Variants in ADGRL2 observed in about 807,000 individuals in gnomAD.
ADGRL2 encodes calcium-independent alpha-latrotoxin receptor 2.
ADGRL2 carries 44 observed loss-of-function variants against 157.4 expected under a neutral mutation model. The observed-to-expected ratio is 0.28, with a 90% confidence interval of 0.22 to 0.36. The LOEUF (loss-of-function observed/expected upper bound fraction) is 0.36. Ranked by LOEUF, ADGRL2 falls within the 10% of genes least tolerant of loss-of-function variation. The pLI, the probability that ADGRL2 is intolerant of heterozygous loss-of-function variation, is 1.00. For synonymous variants in ADGRL2, 585 were observed against 624.7 expected (o/e 0.94, Z 0.95); for missense variants, 1,510 against 1,768.9 (o/e 0.85, Z 2.63).
At chr1:81,694,243 G>T (rs577950803) in intron 3 of ADGRL2, among the ~76,000 whole-genome samples, 1 of 152,074 alleles carries the variant, frequency 6.6e-6, no homozygotes, top group South Asian at 2.1e-4. Context: ...CAAAATAAAG[G>T]AGTAGGAATA....
intron 2 of ADGRL2, among the ~76,000 whole-genome samples, chr1:81,459,831 T>TATAC (rs1491132066): frequency 1.7e-4 from 17 of 100,928 alleles, no homozygotes; most frequent in South Asian, 3.7e-4. Context: ...TATATATATA[T>TATAC]ACACACACAC....
chr1:81,970,771 G>A (rs1003868122), intron 16 of ADGRL2, among the ~76,000 whole-genome samples: 1 of 152,134 alleles, frequency 6.6e-6, no homozygotes, highest in African/African-American at 2.4e-5. Context: ...ACAAAAGATT[G>A]ACCTGAAACA....
chr1:81,719,456 C>T lies in ADGRL2; in HGVS notation c.-143+19648C>T, dbSNP rs184431789. Among the ~76,000 whole-genome samples the T allele has an allele frequency of 3.5e-4, 54 of 152,264 alleles. 1 individual carries two copies. Among genetic ancestry groups the T allele is most frequent in the African/African-American group, 1.3e-3 (52 of 41,558 alleles). On this transcript the variant is annotated intron_variant, in intron 1 of 20. Transcript: ENST00000359929. ...TCAGGTTTCTCAATCCTGCTTCTTT[C>T]TCTGTGTTCCTTTACAATCCCAAGT...
intron 1 of ADGRL2, among the ~76,000 whole-genome samples, chr1:81,820,718 A>T (rs2090901933): frequency 7.0e-6 from 1 of 141,894 alleles, no homozygotes; most frequent in Non-Finnish European, 1.5e-5. Flanking sequence ...GGAAGTGTTG[A>T]TGTTGACCTG....
At chr1:81,439,325 G>A (rs2077465691) in intron 1 of ADGRL2, among the ~76,000 whole-genome samples, 1 of 152,184 alleles carries the variant, frequency 6.6e-6, no homozygotes, top group Admixed American at 6.5e-5. Context: ...CGAACTCTGA[G>A]GCAGAGCACT....
intron 19 of ADGRL2, among the ~76,000 whole-genome samples, chr1:81,982,438 CCTTACAT>C (rs1256244516): frequency 1.3e-5 from 2 of 151,876 alleles, no homozygotes; most frequent in African/African-American, 2.4e-5. Flanking sequence ...ATAATTAGTA[CCTTACAT>C]CTTACTTACT....
chr1:81,377,574 G>C (rs1182958973), intron 1 of ADGRL2, among the ~76,000 whole-genome samples: 1 of 152,078 alleles, frequency 6.6e-6, no homozygotes, highest in Non-Finnish European at 1.5e-5. Context: ...TCAGATTCAT[G>C]GAGGCTTATA....
At chr1:81,858,834 T>G (rs538889979) in intron 2 of ADGRL2, among the ~76,000 whole-genome samples, 1 of 152,358 alleles carries the variant, frequency 6.6e-6, no homozygotes, top group East Asian at 1.9e-4. Context: ...GTGCGCCATT[T>G]GTAACTTAGA....
At chr1:81,803,685 G>T (rs1557672775) in intron 1 of ADGRL2, among the ~76,000 whole-genome samples, 1 of 152,046 alleles carries the variant, frequency 6.6e-6, no homozygotes, top group Non-Finnish European at 1.5e-5. Flanking sequence ...GCCTGGGAGC[G>T]TCTGAGCTGC....
intron 1 of ADGRL2, among the ~76,000 whole-genome samples, chr1:81,319,463 T>C (rs1660352990): frequency 6.6e-6 from 1 of 152,132 alleles, no homozygotes; most frequent in African/African-American, 2.4e-5. Flanking sequence ...AATATGCAGA[T>C]TTCTCATCAA....
intron 3 of ADGRL2, among the ~76,000 whole-genome samples, chr1:81,659,293 C>T (rs533947165): frequency 1.4e-4 from 22 of 152,130 alleles, no homozygotes; most frequent in Non-Finnish European, 2.2e-4. Flanking sequence ...AAATCCTGAC[C>T]TCAAGTGATC....
intron 20 of ADGRL2, 147 bp downstream of exon 20, chr1:81,984,858 C>A: frequency 1.2e-6 from 1 of 848,218 alleles, no homozygotes; most frequent in Non-Finnish European, 1.8e-6. Context: ...GTTTCAATGT[C>A]TTCTTAAACA....
intron 3 of ADGRL2, chr1:81,588,194 C>G (rs1228462029): frequency 6.6e-6 from 1 of 152,138 alleles, no homozygotes; most frequent in African/African-American, 2.4e-5. Flanking sequence ...GTTAGCTCCT[C>G]TTATCCCCAG....
intron 1 of ADGRL2, among the ~76,000 whole-genome samples, chr1:81,804,207 T>G (rs2088764116): frequency 6.6e-6 from 1 of 152,216 alleles, no homozygotes; most frequent in Non-Finnish European, 1.5e-5. Context: ...AGGTGTGTTA[T>G]GGAACGTTTT....
At chr1:81,365,183 C>T (rs1264953696) in intron 1 of ADGRL2, among the ~76,000 whole-genome samples, 1 of 152,142 alleles carries the variant, frequency 6.6e-6, no homozygotes, top group Non-Finnish European at 1.5e-5. Context: ...AAGTCAATTT[C>T]TGTCATGTCA....
At chr1:81,595,931 G>A (rs1208435384) in intron 3 of ADGRL2, among the ~76,000 whole-genome samples, 2 of 152,076 alleles carry the variant, frequency 1.3e-5, no homozygotes, top group Non-Finnish European at 2.9e-5. Context: ...GCTGCTTCCT[G>A]GTTCATAGGC....
intron 2 of ADGRL2, among the ~76,000 whole-genome samples, chr1:81,783,123 C>CTATT (rs1290832885): frequency 6.6e-6 from 1 of 151,966 alleles, no homozygotes; most frequent in Non-Finnish European, 1.5e-5. Flanking sequence ...ACCTTTCTTG[C>CTATT]TATTTATTTA....
chr1:81,396,220 CT>C (rs1242931985), intron 1 of ADGRL2, among the ~76,000 whole-genome samples: 1 of 152,144 alleles, frequency 6.6e-6, no homozygotes, highest in Non-Finnish European at 1.5e-5. Context: ...TCTTTTACCT[CT>C]TTGGTTAAAT....
intron 2 of ADGRL2, among the ~76,000 whole-genome samples, chr1:81,507,418 C>T (rs1261083533): frequency 1.3e-5 from 2 of 152,114 alleles, no homozygotes; most frequent in Non-Finnish European, 1.5e-5. Context: ...CTCTTTGGAG[C>T]CCCTAGGGTG....
Sources: gnomAD v4.1 joint callset for allele counts (sites outside exome capture counted in the v4.1 genomes callset) on GRCh38, gnomAD v4.1.1 for gene constraint, MANE v1.5 for transcripts, NCBI Gene and HGNC (gene_info 2026-07-23, HGNC 2026-07-21) for gene names.